Variants in TAF4 observed in about 807,000 individuals in gnomAD.
TAF4 encodes TATA-box binding protein associated factor 4, also known as transcription initiation factor TFIID subunit 4.
Under a neutral mutation model 90.3 loss-of-function variants are expected in TAF4, and 9 were observed. That is an observed-to-expected ratio of 0.10 (90% CI 0.06 to 0.17). The LOEUF (loss-of-function observed/expected upper bound fraction) is 0.17. TAF4 is among the 10% of genes least tolerant of loss of function. The pLI is 1.00. For missense variants in TAF4, 1,351 were observed against 1,370.7 expected (o/e 0.99, Z 0.23); for synonymous variants, 818 against 638.9 (o/e 1.28, Z -4.23).
At chr20:62,023,613 T>G (rs1051105971) in intron 1 of TAF4, among the ~76,000 whole-genome samples, 3 of 149,738 alleles carry the variant, frequency 2.0e-5, no homozygotes, top group Non-Finnish European at 4.4e-5. Context: ...CTGGGCGTGG[T>G]GGCGCACACC....
At chr20:62,003,303 C>T (rs2055719427) in intron 8 of TAF4, 29 bp from the exon 9 acceptor site, 2 of 1,569,242 alleles carry the variant, frequency 1.3e-6, no homozygotes. Flanking sequence ...GTGGAAACCA[C>T]ACAAGGCTTT....
chr20:62,022,525 G>A (rs543615259), intron 1 of TAF4, among the ~76,000 whole-genome samples: 18 of 152,220 alleles, frequency 1.2e-4, no homozygotes, highest in Non-Finnish European at 2.1e-4. Context: ...CCCTCTCCAT[G>A]CTACCAGCTG....
At chr20:62,026,453 T>C (rs1262047621) in intron 1 of TAF4, among the ~76,000 whole-genome samples, 1 of 152,128 alleles carries the variant, frequency 6.6e-6, no homozygotes, top group Non-Finnish European at 1.5e-5. Context: ...CTCAAGTCTC[T>C]GAAAAATAAC....
rs1568947381 is a variant in TAF4 at position 62,065,274 on chromosome 20, GCCGGGGCCGGGC to G, written c.525_536del (p.Pro184_Gly187del). 262 of 928,528 alleles carry G rather than the reference GCCGGGGCCGGGC, an allele frequency of 2.8e-4. 1 individual carries two copies. The Middle Eastern group carries it at 2.8e-3, about 10-fold the overall frequency. The allele number at this position is 928,528 out of a possible 1,614,324, so 57.5% of individuals were successfully genotyped here. On this transcript the variant is annotated inframe_deletion, in exon 1 of 15. Coordinates refer to ENST00000252996, the MANE Select transcript of TAF4 (RefSeq NM_003185.4). Reference sequence around the variant, plus strand: ...TGCCAGGGCCAGGGCCGGGGCCGGGGCCGGGGCCGGGCCCGGGGCCGGGGCCGGCGCGGGCGG... The same window carrying G: ...TGCCAGGGCCAGGGCCGGGGCCGGGGCCGGGGCCGGGGCCGGCGCGGGCGG...
chr20:62,063,823 G>A (rs1178623770), intron 1 of TAF4, among the ~76,000 whole-genome samples: 2 of 152,272 alleles, frequency 1.3e-5, no homozygotes, highest in Admixed American at 1.3e-4. Flanking sequence ...GACTCTCGCA[G>A]GATGCGCCTG....
intron 1 of TAF4, among the ~76,000 whole-genome samples, chr20:62,019,158 T>C (rs1230160332): frequency 6.6e-6 from 1 of 152,234 alleles, no homozygotes; most frequent in Non-Finnish European, 1.5e-5. Flanking sequence ...AAAGAAGTGT[T>C]CTTCACAGAA....
At chr20:62,000,529 T>TC in intron 10 of TAF4, 23 bp downstream of exon 10, 2 of 1,605,470 alleles carry the variant, frequency 1.2e-6, no homozygotes, top group Non-Finnish European at 1.7e-6. Flanking sequence ...TAATAAGAAC[T>TC]CAGTCATTAA....
chr20:62,054,979 C>T (rs1272926854), intron 1 of TAF4, among the ~76,000 whole-genome samples: 1 of 152,220 alleles, frequency 6.6e-6, no homozygotes, highest in Admixed American at 6.5e-5. Context: ...TCCACACCTC[C>T]CTAAGCCCCA....
chr20:61,985,959 C>CCAAAGGAACCACCATCCCCAAT (rs1162117260), intron 14 of TAF4, among the ~76,000 whole-genome samples: 34 of 145,988 alleles, frequency 2.3e-4, no homozygotes, highest in South Asian at 8.9e-4. Context: ...CCATCCCCGA[C>CCAAAGGAACCACCATCCCCAAT]CAAAGGAAGC....
At chr20:62,031,618 CAGCTGAACAG>C (rs979023946) in intron 1 of TAF4, among the ~76,000 whole-genome samples, 1 of 152,344 alleles carries the variant, frequency 6.6e-6, no homozygotes, top group African/African-American at 2.4e-5. Flanking sequence ...ACTCCACTAG[CAGCTGAACAG>C]AGCCCAAGGT....
chr20:62,031,949 G>C (rs1384983121), intron 1 of TAF4, among the ~76,000 whole-genome samples: 1 of 151,784 alleles, frequency 6.6e-6, no homozygotes, highest in Admixed American at 6.6e-5. Flanking sequence ...AAAAGTTCCA[G>C]ATTCTTCTCA....
chr20:62,007,585 T>C lies in TAF4; in HGVS notation c.1936A>G (p.Asn646Asp). ...DFTSRLYREL[N>D]SSPQPYLVPF... Reference sequence around the variant, plus strand: ...ACAAGGTAAGGTTGAGGTGAAGAATTAAGTTCTCGGTATAACCTGCTTGTG... The same window carrying C: ...ACAAGGTAAGGTTGAGGTGAAGAATCAAGTTCTCGGTATAACCTGCTTGTG... Residue 646 changes from asparagine to aspartate, a missense_variant, in exon 6 of 15, where the codon AAT becomes GAT. Asn to Asp is a conservative substitution (Grantham distance 23). Around this residue, in one of 9 missense-constraint regions of TAF4, gnomAD observed 44 missense variants for 97.4 expected, o/e 0.45. Transcript: ENST00000252996. 6.2e-7 allele frequency: 1 copy of C among 1,612,704 alleles called. No homozygotes were observed. The highest frequency in any genetic ancestry group is 8.5e-7 in the Non-Finnish European group (1 of 1,179,526).
At chr20:61,993,417 A>G (rs2055644265) in intron 14 of TAF4, among the ~76,000 whole-genome samples, 1 of 152,192 alleles carries the variant, frequency 6.6e-6, no homozygotes, top group Non-Finnish European at 1.5e-5. Flanking sequence ...AGCAATCCTG[A>G]CGCAGGACAC....
At chr20:62,017,111 A>G (rs1465061570) in intron 1 of TAF4, among the ~76,000 whole-genome samples, 1 of 152,032 alleles carries the variant, frequency 6.6e-6, no homozygotes, top group Non-Finnish European at 1.5e-5. Context: ...ATCACACTCC[A>G]GCCTGGACCA....
intron 6 of TAF4, among the ~76,000 whole-genome samples, chr20:62,007,261 C>T (rs562561646): frequency 6.6e-5 from 10 of 152,350 alleles, no homozygotes; most frequent in African/African-American, 2.2e-4. Flanking sequence ...GTTTTGCAAA[C>T]GCTACCCCAT....
intron 1 of TAF4, among the ~76,000 whole-genome samples, chr20:62,041,192 A>G (rs1287843026): frequency 6.6e-6 from 1 of 152,242 alleles, no homozygotes; most frequent in Non-Finnish European, 1.5e-5. Context: ...AGAGGGCACA[A>G]GCAGACCCTC....
At position 62,052,977 on chromosome 20, in the gene TAF4, C is replaced by G. The variant is rs557209540; in HGVS notation, c.1360+11474G>C. ...CCCCATGACATCAGGTCCCTTCCGCCACCCCCCACAACACCAGGTCTCCAG... is the reference window on the plus strand; with the variant it reads ...CCCCATGACATCAGGTCCCTTCCGCGACCCCCCACAACACCAGGTCTCCAG... On this transcript the variant is annotated intron_variant, in intron 1 of 14. Coordinates refer to ENST00000252996, the MANE Select transcript of TAF4 (RefSeq NM_003185.4). 2.6e-5 allele frequency among the ~76,000 whole-genome samples: 4 copies of G among 152,202 alleles called. No individual in the cohort carries two copies. The East Asian group carries it at 7.7e-4, about 29-fold the overall frequency.
rs61741964 is a variant in TAF4 at position 62,003,273 on chromosome 20, G to A, written c.2373C>T (p.Val791=). The part of the protein sequence containing the change: ...QQIQLNPLQP[V]PVVKPAVLPG... Reference sequence around the variant, plus strand: ...GTAACACGGCGGGTTTCACCACAGGGACTACAAAACAAACACACAGTGGAA... The same window carrying A: ...GTAACACGGCGGGTTTCACCACAGGAACTACAAAACAAACACACAGTGGAA... The change falls in exon 9 of 15, where the codon GTC becomes GTT. Residue 791 remains valine (V), a splice_region_variant and synonymous_variant. Coordinates refer to ENST00000252996, the MANE Select transcript of TAF4 (RefSeq NM_003185.4). 2 of 1,613,118 alleles carry A rather than the reference G, an allele frequency of 1.2e-6. No individual in the cohort carries two copies. The highest frequency in any genetic ancestry group is 1.1e-5 in the South Asian group (1 of 91,060).
At chr20:61,993,923 TTG>T (rs1201483509) in intron 14 of TAF4, among the ~76,000 whole-genome samples, 1 of 152,038 alleles carries the variant, frequency 6.6e-6, no homozygotes, top group Non-Finnish European at 1.5e-5. Flanking sequence ...CGGCTAAATT[TTG>T]TGTTTTTAGT....
Sources: allele counts gnomAD v4.1 joint callset (sites outside exome capture counted in the v4.1 genomes callset), GRCh38; gene constraint gnomAD v4.1.1; regional missense constraint gnomAD v4.1.1; transcripts MANE v1.5; gene names NCBI Gene and HGNC (gene_info 2026-07-23, HGNC 2026-07-21).